Variants in PTPRK observed in about 807,000 individuals in gnomAD.
PTPRK encodes receptor-type tyrosine-protein phosphatase kappa.
A neutral mutation model predicts 178.0 loss-of-function variants in PTPRK; 75 were observed. That is an observed-to-expected ratio of 0.42 (90% CI 0.35 to 0.51). The LOEUF is 0.51. Ranked by LOEUF, PTPRK falls within the 20% of genes least tolerant of loss-of-function variation. The pLI is 0.02. For synonymous variants in PTPRK, 637 were observed against 620.6 expected (o/e 1.03, Z -0.39); for missense variants, 1,441 against 1,797.8 (o/e 0.80, Z 3.59).
At chr6:128,240,010 A>G (rs1413830483) in intron 5 of PTPRK, 25 bp downstream of exon 5, 5 of 1,539,664 alleles carry the variant, frequency 3.2e-6, no homozygotes, top group East Asian at 4.5e-5. Context: ...TATACTCTTT[A>G]GCTCAGCTGC....
chr6:128,198,129 C>T (rs1805245618), intron 6 of PTPRK, among the ~76,000 whole-genome samples: 1 of 152,092 alleles, frequency 6.6e-6, no homozygotes, highest in Non-Finnish European at 1.5e-5. Flanking sequence ...AATTTATAGC[C>T]CACAGAAGCT....
intron 7 of PTPRK, among the ~76,000 whole-genome samples, chr6:128,170,605 A>G (rs1269087020): frequency 6.6e-6 from 1 of 152,040 alleles, no homozygotes; most frequent in East Asian, 1.9e-4. Flanking sequence ...CTTGGGAGCT[A>G]GCACTGAGAA....
intron 2 of PTPRK, among the ~76,000 whole-genome samples, chr6:128,333,748 G>A (rs1398315982): frequency 6.6e-6 from 1 of 152,150 alleles, no homozygotes; most frequent in Non-Finnish European, 1.5e-5. Flanking sequence ...TCATCTGGGT[G>A]TTCACTGGAG....
chr6:128,062,670 C>T (rs1330717762), intron 13 of PTPRK: 2 of 164,762 alleles, frequency 1.2e-5, no homozygotes, highest in Non-Finnish European at 2.9e-5. Flanking sequence ...ACTATTTAAG[C>T]ACTTCATATA....
At chr6:128,354,783 T>C (rs1833742962) in intron 2 of PTPRK, among the ~76,000 whole-genome samples, 1 of 152,196 alleles carries the variant, frequency 6.6e-6, no homozygotes. Flanking sequence ...TAAACTAACT[T>C]GCTTAAGATT....
intron 6 of PTPRK, among the ~76,000 whole-genome samples, chr6:128,208,302 A>C (rs1260682293): frequency 6.6e-6 from 1 of 151,646 alleles, no homozygotes; most frequent in Admixed American, 6.6e-5. Context: ...CACCCTCAAA[A>C]AAAAAAAAAA....
Position 127,982,828 on chromosome 6 carries a change from T to C in PTPRK, c.3537+3A>G. 1 of 1,603,806 alleles carries C rather than the reference T, an allele frequency of 6.2e-7. No homozygotes were observed. The highest frequency in any genetic ancestry group is 8.5e-7 in the Non-Finnish European group (1 of 1,174,290). ...CAAAAGAGGTTTTAGAAATAGTTAA[T>C]ACCTGAAATTCATCCTTGAGATGTG... On this transcript the variant is annotated splice_donor_region_variant and intron_variant, in intron 24 of 29. Transcript: ENST00000368226.
chr6:128,268,286 G>A (rs539556185), intron 3 of PTPRK, among the ~76,000 whole-genome samples: 2 of 151,934 alleles, frequency 1.3e-5, no homozygotes, highest in South Asian at 2.1e-4. Context: ...AGTGAAAAAC[G>A]TATTACCAGA....
intron 3 of PTPRK, among the ~76,000 whole-genome samples, chr6:128,298,093 C>T (rs997351771): frequency 3.3e-5 from 5 of 152,124 alleles, no homozygotes; most frequent in African/African-American, 7.2e-5. Context: ...TCAGAGAATA[C>T]TACAAACACC....
At chr6:128,514,508 C>T (rs1381617600) in intron 1 of PTPRK, among the ~76,000 whole-genome samples, 1 of 152,164 alleles carries the variant, frequency 6.6e-6, no homozygotes, top group East Asian at 1.9e-4. Context: ...TTCTGAATTC[C>T]CCTTATTAAA....
intron 2 of PTPRK, among the ~76,000 whole-genome samples, chr6:128,388,806 C>T (rs908401320): frequency 2.0e-5 from 3 of 152,118 alleles, no homozygotes; most frequent in Non-Finnish European, 4.4e-5. Flanking sequence ...TGGGATCAGA[C>T]AGAAGGAGTC....
intron 6 of PTPRK, among the ~76,000 whole-genome samples, chr6:128,188,747 C>T (rs1803201275): frequency 6.6e-6 from 1 of 152,152 alleles, no homozygotes; most frequent in African/African-American, 2.4e-5. Context: ...CCTATAAAGG[C>T]TCTAGGAGAA....
At chr6:128,140,659 G>C (rs1018990036) in intron 7 of PTPRK, among the ~76,000 whole-genome samples, 2 of 151,824 alleles carry the variant, frequency 1.3e-5, no homozygotes, top group Non-Finnish European at 2.9e-5. Flanking sequence ...GTCGTCATCA[G>C]GATGTCCATT....
At chr6:127,978,366 C>T (rs1392836825) in intron 25 of PTPRK, among the ~76,000 whole-genome samples, 7 of 152,124 alleles carry the variant, frequency 4.6e-5, no homozygotes, top group African/African-American at 1.4e-4. Context: ...TGAGTGAGTT[C>T]TCATGACATC....
At chr6:128,204,845 G>T (rs1359657748) in intron 6 of PTPRK, among the ~76,000 whole-genome samples, 1 of 152,174 alleles carries the variant, frequency 6.6e-6, no homozygotes, top group African/African-American at 2.4e-5. Flanking sequence ...CCTTGCGGAA[G>T]ACAGTGTGGC....
At chr6:127,987,298 C>G (rs1270265980) in intron 21 of PTPRK, among the ~76,000 whole-genome samples, 1 of 151,538 alleles carries the variant, frequency 6.6e-6, no homozygotes, top group East Asian at 1.9e-4. Context: ...AATGATTTTC[C>G]AAATAGGATT....
At chr6:128,361,536 T>G (rs558532298) in intron 2 of PTPRK, among the ~76,000 whole-genome samples, 1 of 152,242 alleles carries the variant, frequency 6.6e-6, no homozygotes, top group African/African-American at 2.4e-5. Flanking sequence ...GCAAACATCA[T>G]AGGGTGTTAA....
intron 3 of PTPRK, among the ~76,000 whole-genome samples, chr6:128,255,665 G>A (rs1310822734): frequency 6.6e-6 from 1 of 152,208 alleles, no homozygotes; most frequent in East Asian, 1.9e-4. Flanking sequence ...AAAAATACTG[G>A]TAAGACAGAT....
intron 7 of PTPRK, among the ~76,000 whole-genome samples, chr6:128,105,226 C>A (rs936403904): frequency 6.6e-6 from 1 of 152,012 alleles, no homozygotes; most frequent in African/African-American, 2.4e-5. Flanking sequence ...CTCCGCCTCC[C>A]GGGTTCGCGC....
Sources: allele counts gnomAD v4.1 joint callset (sites outside exome capture counted in the v4.1 genomes callset), GRCh38; gene constraint gnomAD v4.1.1; transcripts MANE v1.5; gene names NCBI Gene and HGNC (gene_info 2026-07-23, HGNC 2026-07-21).